CELF2: variants seen among roughly 807,000 people sequenced by gnomAD.
CELF2 encodes the protein CUGBP Elav-like family member 2, also known as CUG triplet repeat RNA-binding protein 2.
In CELF2, 8 loss-of-function variants were observed where a neutral mutation model predicts 62.6. That is an observed-to-expected ratio of 0.13 (90% confidence interval 0.07 to 0.23). The LOEUF is 0.23. Ranked by LOEUF, CELF2 falls within the 10% of genes least tolerant of loss-of-function variation. CELF2 has a pLI of 1.00. For synonymous variants in CELF2, 258 were observed against 250.0 expected (o/e 1.03, Z -0.30); for missense variants, 333 against 671.0 (o/e 0.50, Z 5.56).
the CELF2 span, among the ~76,000 whole-genome samples, chr10:10,646,503 C>T: frequency 9.9e-5 from 15 of 152,214 alleles, no homozygotes; most frequent in African/African-American, 3.4e-4. Flanking sequence ...AACCAAGTCT[C>T]ATTCTGTTCC....
the CELF2 span, among the ~76,000 whole-genome samples, chr10:10,675,166 C>G: frequency 1.4e-3 from 219 of 152,284 alleles, 1 homozygote; most frequent in African/African-American, 4.9e-3. Context: ...CCTTGCAAGA[C>G]AGATCTACTA....
At chr10:10,603,784 T>TACACACAC in the CELF2 span, among the ~76,000 whole-genome samples, 1,212 of 148,538 alleles carry the variant, frequency 8.2e-3, 4 homozygotes, top group South Asian at 0.033. Flanking sequence ...TATTTACACA[T>TACACACAC]ACACACACAC....
chr10:11,048,122 G>A (rs1415282363), intron 1 of CELF2, among the ~76,000 whole-genome samples: 1 of 152,180 alleles, frequency 6.6e-6, no homozygotes, highest in African/African-American at 2.4e-5. Flanking sequence ...ATTCCAGTTA[G>A]TGATACTCTG....
At chr10:11,299,226 T>C (rs2093476605) in intron 9 of CELF2, among the ~76,000 whole-genome samples, 1 of 152,202 alleles carries the variant, frequency 6.6e-6, no homozygotes, top group African/African-American at 2.4e-5. Context: ...TGGGGAGTTG[T>C]TGGTTTGTAT....
chr10:11,124,111 A>G (rs2058263200), intron 1 of CELF2, among the ~76,000 whole-genome samples: 1 of 152,068 alleles, frequency 6.6e-6, no homozygotes, highest in East Asian at 1.9e-4. Context: ...TATCATGAGA[A>G]CAGTATGGGA....
chr10:10,686,321 G>A, the CELF2 span, among the ~76,000 whole-genome samples: 4 of 58,146 alleles, frequency 6.9e-5, no homozygotes, highest in Non-Finnish European at 1.2e-4. Flanking sequence ...GGGGGGGGGG[G>A]TGGGGTGGGT....
intron 2 of CELF2, among the ~76,000 whole-genome samples, chr10:10,949,944 G>A (rs956728582): frequency 8.6e-5 from 13 of 151,836 alleles, no homozygotes; most frequent in African/African-American, 3.1e-4. Flanking sequence ...TTCTTTTCAG[G>A]TCGATGGAAC....
At chr10:11,077,441 G>A (rs760232741) in intron 1 of CELF2, among the ~76,000 whole-genome samples, 2 of 152,170 alleles carry the variant, frequency 1.3e-5, no homozygotes, top group Non-Finnish European at 2.9e-5. Context: ...CTTTTATAAC[G>A]AGAGACCTGA....
chr10:11,281,912 G>A (rs988503826), intron 8 of CELF2, among the ~76,000 whole-genome samples: 8 of 152,090 alleles, frequency 5.3e-5, no homozygotes, highest in East Asian at 3.9e-4. Context: ...CACAAAATTC[G>A]TACTGGCCCC....
chr10:10,888,572 C>T (rs1031954687), intron 1 of CELF2, among the ~76,000 whole-genome samples: 1 of 152,144 alleles, frequency 6.6e-6, no homozygotes, highest in African/African-American at 2.4e-5. Context: ...CAAGACATTC[C>T]TTGTCCAGCC....
chr10:10,688,169 T>A, the CELF2 span, among the ~76,000 whole-genome samples: 1 of 152,214 alleles, frequency 6.6e-6, no homozygotes, highest in African/African-American at 2.4e-5. Context: ...CATTTTAACA[T>A]GACAGCCGAT....
chr10:11,217,563 C>A lies in CELF2; in HGVS notation c.354+56C>A. On this transcript the variant is annotated intron_variant, in intron 3 of 12. Coordinates refer to ENST00000633077, the MANE Select transcript of CELF2 (RefSeq NM_001326342.2). This position sits in a 1 kb window ranked among gnomAD's most constrained non-coding sequence, Gnocchi z 5.6. ...CTTTATTGCTTGAAAATGGTCCTTT[C>A]AACTGAAGGTTCTAGTTATGGGCTC... The A allele has an allele frequency of 1.5e-6, 2 of 1,337,038 alleles. No homozygotes were observed. The highest frequency in any genetic ancestry group is 1.1e-6 in the Non-Finnish European group (1 of 938,016). The allele number at this position is 1,337,038 out of a possible 1,614,324, so 82.8% of individuals were successfully genotyped here.
At chr10:11,320,551 A>T (rs1381617332) in intron 10 of CELF2, among the ~76,000 whole-genome samples, 1 of 152,186 alleles carries the variant, frequency 6.6e-6, no homozygotes, top group African/African-American at 2.4e-5. Flanking sequence ...ATTCTTCATC[A>T]GCCAGGCTAT....
chr10:10,571,736 G>A, the CELF2 span, among the ~76,000 whole-genome samples: 1 of 152,156 alleles, frequency 6.6e-6, no homozygotes, highest in Non-Finnish European at 1.5e-5. Context: ...GCAGATTCTT[G>A]CAGTAGATTT....
intron 9 of CELF2, among the ~76,000 whole-genome samples, chr10:11,310,504 G>A (rs550162359): frequency 9.3e-4 from 141 of 152,168 alleles, no homozygotes; most frequent in African/African-American, 3.3e-3. Flanking sequence ...GACTTTAAGT[G>A]GTTGGTTTTT....
chr10:11,310,815 C>T (rs753414402), intron 9 of CELF2, among the ~76,000 whole-genome samples: 12 of 150,282 alleles, frequency 8.0e-5, no homozygotes, highest in Middle Eastern at 3.4e-3. Flanking sequence ...ACCCTCCCAC[C>T]GGGAAAAACC....
intron 1 of CELF2, among the ~76,000 whole-genome samples, chr10:10,901,090 AC>A (rs1430709690): frequency 6.6e-6 from 1 of 152,240 alleles, no homozygotes; most frequent in Non-Finnish European, 1.5e-5. Flanking sequence ...AATAGTGTTA[AC>A]AAATGAATTC....
chr10:10,462,772 T>C, the CELF2 span, among the ~76,000 whole-genome samples: 27 of 152,138 alleles, frequency 1.8e-4, no homozygotes, highest in African/African-American at 4.6e-4. Context: ...GTCATACTTA[T>C]AATGGTTAAT....
At position 11,165,304 on chromosome 10, in the gene CELF2, A is replaced by G. The variant is rs2066737740; in HGVS notation, c.75-182A>G. On this transcript the variant is annotated intron_variant, in intron 1 of 12. Transcript: ENST00000633077. This position sits in a 1 kb window ranked among gnomAD's most constrained non-coding sequence, Gnocchi z 7.4. ...CGCAGTGAGAGCCTCGCCGCCGCCGAGGAGCAACTCATGGTGCCTCCGCTT... is the reference window on the plus strand; with the variant it reads ...CGCAGTGAGAGCCTCGCCGCCGCCGGGGAGCAACTCATGGTGCCTCCGCTT... The G allele has an allele frequency of 7.1e-7, 1 of 1,404,128 alleles. No individual in the cohort carries two copies. The highest frequency in any genetic ancestry group is 9.2e-7 in the Non-Finnish European group (1 of 1,081,888). 87.0% of individuals were successfully genotyped at this position (1,404,128 alleles called of 1,614,324 possible).
Sources: allele counts gnomAD v4.1 joint callset (sites outside exome capture counted in the v4.1 genomes callset), GRCh38; gene constraint gnomAD v4.1.1; non-coding constraint Gnocchi (gnomAD v3.1); transcripts MANE v1.5; gene names NCBI Gene and HGNC (gene_info 2026-07-23, HGNC 2026-07-21).